RHOU: variants seen among roughly 807,000 people sequenced by gnomAD.
RHOU encodes the protein rho-related GTP-binding protein RhoU.
RHOU carries 8 observed loss-of-function variants against 12.6 expected under a neutral mutation model. The observed-to-expected ratio is 0.64, with a 90% CI of 0.37 to 1.15. The LOEUF (loss-of-function observed/expected upper bound fraction) is 1.15. RHOU is among the 50% of genes most tolerant of loss of function. The pLI is 0.01. For missense variants in RHOU, 258 were observed against 347.0 expected (o/e 0.74, Z 2.04); for synonymous variants, 161 against 147.4 (o/e 1.09, Z -0.67).
the RHOU span, among the ~76,000 whole-genome samples, chr1:228,703,070 A>G: frequency 6.6e-6 from 1 of 152,180 alleles, no homozygotes; most frequent in African/African-American, 2.4e-5. Context: ...GATTGTACAT[A>G]AAGATCCGGT....
chr1:228,686,130 T>C, the RHOU span, among the ~76,000 whole-genome samples: 3 of 152,226 alleles, frequency 2.0e-5, no homozygotes, highest in Non-Finnish European at 4.4e-5. Context: ...GTTTTAGTTA[T>C]AATTTTGCTA....
Position 228,743,515 on chromosome 1 carries a change from T to C in RHOU, c.552T>C (p.Pro184=). ...ELDKCKEKPV[P]EEAAKLCAEE... ...ACAAATGCAAAGAAAAGCCAGTGCC[T>C]GAAGAGGCGGCTAAGCTGTGCGCCG... Residue 184 remains proline, a synonymous_variant, in exon 3 of 3, where the codon CCT becomes CCC. Transcript: ENST00000366691. The surrounding 1 kb of genome is among the most constrained non-coding windows in gnomAD (Gnocchi z 5.1). 6.2e-7 allele frequency: 1 copy of C among 1,614,188 alleles called. No homozygotes were observed. Among genetic ancestry groups the C allele is most frequent in the Non-Finnish European group, 8.5e-7 (1 of 1,180,044 alleles).
At chr1:228,686,154 G>A in the RHOU span, among the ~76,000 whole-genome samples, 1 of 152,118 alleles carries the variant, frequency 6.6e-6, no homozygotes, top group Admixed American at 6.5e-5. Context: ...ATTAGATTTA[G>A]AGGAATTAGT....
At chr1:228,696,477 TTGTTTA>T in the RHOU span, among the ~76,000 whole-genome samples, 2 of 152,162 alleles carry the variant, frequency 1.3e-5, no homozygotes, top group Non-Finnish European at 2.9e-5. Context: ...AAGGTATTAT[TTGTTTA>T]TGTTTAAGAA....
the RHOU span, chr1:228,650,151 G>A: frequency 6.6e-6 from 3 of 454,536 alleles, no homozygotes; most frequent in East Asian, 6.9e-5. Context: ...GGAAAGCAGA[G>A]CTGCACTGCG....
the RHOU span, among the ~76,000 whole-genome samples, chr1:228,671,090 C>T: frequency 6.6e-6 from 1 of 152,114 alleles, no homozygotes; most frequent in Non-Finnish European, 1.5e-5. Flanking sequence ...CTGCAACCTC[C>T]ACCTCCCGGG....
chr1:228,647,404 C>T, the RHOU span, among the ~76,000 whole-genome samples: 4 of 152,148 alleles, frequency 2.6e-5, 1 homozygote, highest in Non-Finnish European at 5.9e-5. Context: ...CTGGCGTGTC[C>T]TCGGTACTGG....
At chr1:228,729,009 C>T in the RHOU span, among the ~76,000 whole-genome samples, 4 of 151,972 alleles carry the variant, frequency 2.6e-5, no homozygotes, top group African/African-American at 4.8e-5. Context: ...GATTCTTCTA[C>T]CTTAGTCTCC....
At chr1:228,721,519 C>T in the RHOU span, among the ~76,000 whole-genome samples, 1 of 152,184 alleles carries the variant, frequency 6.6e-6, no homozygotes, top group South Asian at 2.1e-4. Flanking sequence ...CACACGTGCG[C>T]CTTATCAGGC....
At chr1:228,658,358 T>A in the RHOU span, among the ~76,000 whole-genome samples, 1 of 151,590 alleles carries the variant, frequency 6.6e-6, no homozygotes, top group Non-Finnish European at 1.5e-5. Context: ...TAGAAGTCCT[T>A]ATGGACGAAA....
chr1:228,680,325 C>T, the RHOU span, among the ~76,000 whole-genome samples: 8 of 152,146 alleles, frequency 5.3e-5, no homozygotes, highest in African/African-American at 1.9e-4. Context: ...GGGGCCTGCA[C>T]AGACAGGGCA....
At chr1:228,676,397 A>G in the RHOU span, among the ~76,000 whole-genome samples, 1 of 152,120 alleles carries the variant, frequency 6.6e-6, no homozygotes, top group African/African-American at 2.4e-5. Context: ...CATACCTGTA[A>G]TCCTAGCACT....
chr1:228,646,934 AAG>A, the RHOU span, among the ~76,000 whole-genome samples: 1 of 151,996 alleles, frequency 6.6e-6, no homozygotes, highest in African/African-American at 2.4e-5. Context: ...TGGAGAGGTA[AAG>A]AGAGAGAGGC....
upstream of RHOU, among the ~76,000 whole-genome samples, chr1:228,732,328 C>A (rs1662513564): frequency 6.6e-6 from 1 of 152,114 alleles, no homozygotes; most frequent in Non-Finnish European, 1.5e-5. Context: ...ACAACTTGAA[C>A]CCACACACCT....
chr1:228,699,439 A>G, the RHOU span, among the ~76,000 whole-genome samples: 1 of 124,040 alleles, frequency 8.1e-6, no homozygotes, highest in Admixed American at 9.3e-5. Context: ...CCGAGAGAGA[A>G]CCTGTCTCAA....
the RHOU span, among the ~76,000 whole-genome samples, chr1:228,677,076 G>A: frequency 9.9e-4 from 151 of 152,286 alleles, no homozygotes; most frequent in East Asian, 0.013. Flanking sequence ...GGGTGGTATG[G>A]AGAGATAATG....
the RHOU span, among the ~76,000 whole-genome samples, chr1:228,703,118 G>T: frequency 6.6e-6 from 1 of 152,116 alleles, no homozygotes; most frequent in African/African-American, 2.4e-5. Context: ...TTAAACAAAG[G>T]CAAGACAATG....
At chr1:228,648,489 C>A in the RHOU span, among the ~76,000 whole-genome samples, 1 of 152,214 alleles carries the variant, frequency 6.6e-6, no homozygotes, top group Non-Finnish European at 1.5e-5. Context: ...GGTCTTTTGC[C>A]TTGCGGCGGG....
At chr1:228,668,019 G>C in the RHOU span, among the ~76,000 whole-genome samples, 1 of 152,114 alleles carries the variant, frequency 6.6e-6, no homozygotes, top group Non-Finnish European at 1.5e-5. Context: ...GATAGCTTTA[G>C]GATGGGACCT....
Sources: allele counts gnomAD v4.1 joint callset (sites outside exome capture counted in the v4.1 genomes callset), GRCh38; gene constraint gnomAD v4.1.1; non-coding constraint Gnocchi (gnomAD v3.1); transcripts MANE v1.5; gene names NCBI Gene and HGNC (gene_info 2026-07-23, HGNC 2026-07-21).